Variants in OTUD7A observed in about 807,000 individuals in gnomAD.
The protein encoded by OTUD7A is OTU deubiquitinase 7A.
In OTUD7A, 12 loss-of-function variants were observed where a neutral mutation model predicts 65.7. The observed-to-expected ratio is 0.18, with a 90% confidence interval of 0.12 to 0.30. The LOEUF is 0.30. OTUD7A is among the 10% of genes least tolerant of loss of function. The pLI is 1.00. For missense variants in OTUD7A, 1,148 were observed against 1,304.8 expected, an observed-to-expected ratio of 0.88 and a Z score of 1.85; for synonymous variants, 641 against 586.3, an observed-to-expected ratio of 1.09 and a Z score of -1.35.
At chr15:31,646,074 A>C (rs1891653043) in intron 3 of OTUD7A, among the ~76,000 whole-genome samples, 3 of 152,190 alleles carry the variant, frequency 2.0e-5, no homozygotes. Flanking sequence ...TTTATCTTAA[A>C]AAGTGTTTAA....
intron 3 of OTUD7A, among the ~76,000 whole-genome samples, chr15:31,587,855 C>T (rs773898615): frequency 3.9e-4 from 60 of 151,946 alleles, no homozygotes; most frequent in Non-Finnish European, 6.9e-4. Context: ...AGGGCCCTAA[C>T]GCTCACTGTT....
At chr15:31,652,277 T>C (rs1343883210) in intron 3 of OTUD7A, among the ~76,000 whole-genome samples, 6 of 152,328 alleles carry the variant, frequency 3.9e-5, no homozygotes, top group Non-Finnish European at 5.9e-5. Flanking sequence ...GTTGAAACAA[T>C]TGGATATCCG....
chr15:31,718,524 T>C (rs1199334540), intron 1 of OTUD7A, among the ~76,000 whole-genome samples: 1 of 151,384 alleles, frequency 6.6e-6, no homozygotes, highest in Non-Finnish European at 1.5e-5. Context: ...CTATAATTAG[T>C]AGTTTGAGGC....
intron 1 of OTUD7A, among the ~76,000 whole-genome samples, chr15:31,778,124 G>A (rs1251577388): frequency 6.6e-6 from 1 of 152,150 alleles, no homozygotes; most frequent in Non-Finnish European, 1.5e-5. Context: ...AATGTGCAGA[G>A]AGTAATTCTA....
rs1595546965 is a variant in OTUD7A, at chr15:31,483,075, C to T, written c.*219G>A. 1 of 254,050 alleles carries T rather than the reference C, an allele frequency of 3.9e-6. No individual in the cohort carries two copies. Among genetic ancestry groups the T allele is most frequent in the Admixed American group, 6.2e-5 (1 of 16,240 alleles). 15.7% of individuals were successfully genotyped at this position (254,050 alleles called of 1,614,324 possible). On this transcript the variant is annotated 3_prime_UTR_variant, in exon 13 of 13. Transcript: ENST00000307050. ...CGAGGCAGATGCTAGGCTAGCACACCCACTTCCAACAGTATGACTTGTTTC... is the reference window on the plus strand; with the variant it reads ...CGAGGCAGATGCTAGGCTAGCACACTCACTTCCAACAGTATGACTTGTTTC...
intron 1 of OTUD7A, among the ~76,000 whole-genome samples, chr15:31,721,468 G>A (rs1288355231): frequency 2.9e-4 from 44 of 151,080 alleles, no homozygotes; most frequent in African/African-American, 6.6e-4. Flanking sequence ...ATTAATTTCC[G>A]CCAGAGATGC....
At position 31,713,346 on chromosome 15, in the gene OTUD7A, C is replaced by T. The variant is rs2654049; in HGVS notation, c.-99-56269G>A. 5.3e-3 allele frequency among the ~76,000 whole-genome samples: 797 copies of T among 151,744 alleles called. 2 individuals are homozygous for T. Among genetic ancestry groups the T allele is most frequent in the Non-Finnish European group, 6.7e-3 (451 of 67,740 alleles). On this transcript the variant is annotated intron_variant, in intron 1 of 12. Transcript: ENST00000307050. ...TTGAAATGGTAAAGTACGCTGGGCA[C>T]GGTGGCTCACACCTGTGATCCCAGC...
intron 1 of OTUD7A, among the ~76,000 whole-genome samples, chr15:31,722,970 G>A (rs1286543524): frequency 2.0e-5 from 3 of 152,226 alleles, no homozygotes; most frequent in Non-Finnish European, 4.4e-5. Flanking sequence ...AAGAGAGCAG[G>A]GAAGATGTTG....
intron 1 of OTUD7A, among the ~76,000 whole-genome samples, chr15:31,729,158 G>GA (rs1758072931): frequency 6.6e-6 from 1 of 152,158 alleles, no homozygotes; most frequent in Non-Finnish European, 1.5e-5. Flanking sequence ...TAGGTATGCA[G>GA]AAAAAAAGTT....
At chr15:31,502,093 G>T (rs56261134) in intron 9 of OTUD7A, among the ~76,000 whole-genome samples, 2,183 of 152,358 alleles carry the variant, frequency 0.014, 62 homozygotes, top group African/African-American at 0.05. Context: ...AGTCACCCGA[G>T]ATTGGTCAGA....
rs1473697821 is a variant in OTUD7A, at chr15:31,510,483, G to GTATGTATATCTATATGTAACATACATATA, written c.894-6694_894-6666dup. Among the ~76,000 whole-genome samples, 235 of 136,006 alleles carry GTATGTATATCTATATGTAACATACATATA rather than the reference G, an allele frequency of 1.7e-3. 17 individuals carry two copies. Among genetic ancestry groups the GTATGTATATCTATATGTAACATACATATA allele is most frequent in the South Asian group, 6.7e-3 (29 of 4,358 alleles). 89.2% of individuals were successfully genotyped at this position (136,006 alleles called of 152,430 possible). ...AAAGGGGAGTTTTGAATATATATAT[G>GTATGTATATCTATATGTAACATACATATA]TATGTATATCTATATGTAACATACA... On this transcript the variant is annotated intron_variant, in intron 8 of 12. Transcript: ENST00000307050.
chr15:31,583,564 T>G (rs541877456), intron 3 of OTUD7A, among the ~76,000 whole-genome samples: 278 of 152,046 alleles, frequency 1.8e-3, no homozygotes, highest in Admixed American at 4.4e-3. Flanking sequence ...TGAATAAGTC[T>G]CATGAGATTT....
intron 1 of OTUD7A, among the ~76,000 whole-genome samples, chr15:31,674,106 G>T (rs1892543909): frequency 6.6e-6 from 1 of 152,142 alleles, no homozygotes; most frequent in African/African-American, 2.4e-5. Flanking sequence ...TGGAATATAA[G>T]AAAGGAACAG....
chr15:31,590,241 G>C (rs1295613807), intron 3 of OTUD7A, among the ~76,000 whole-genome samples: 2 of 152,204 alleles, frequency 1.3e-5, no homozygotes, highest in Non-Finnish European at 2.9e-5. Context: ...ACGATCAATA[G>C]GTTATAGCCT....
At chr15:31,792,712 T>A (rs941177207) in intron 1 of OTUD7A, among the ~76,000 whole-genome samples, 2 of 152,202 alleles carry the variant, frequency 1.3e-5, no homozygotes, top group African/African-American at 4.8e-5. Context: ...TTCTTCTTTA[T>A]GTGTATGTGT....
At chr15:31,566,423 A>C (rs1246089088) in intron 4 of OTUD7A, among the ~76,000 whole-genome samples, 3 of 152,204 alleles carry the variant, frequency 2.0e-5, no homozygotes, top group African/African-American at 7.2e-5. Context: ...CAAATTGATA[A>C]GAAAAGACAA....
At chr15:31,588,078 A>T (rs1889602983) in intron 3 of OTUD7A, among the ~76,000 whole-genome samples, 1 of 152,124 alleles carries the variant, frequency 6.6e-6, no homozygotes, top group Non-Finnish European at 1.5e-5. Flanking sequence ...GCCACTAAAG[A>T]TGCATACAGC....
intron 8 of OTUD7A, among the ~76,000 whole-genome samples, chr15:31,508,776 G>A (rs2041623513): frequency 6.6e-6 from 1 of 152,390 alleles, no homozygotes; most frequent in East Asian, 1.9e-4. Context: ...TTTTTGTTGC[G>A]TATTCTGGGG....
chr15:31,497,212 T>C (rs1267108324), intron 10 of OTUD7A, among the ~76,000 whole-genome samples: 4 of 152,050 alleles, frequency 2.6e-5, no homozygotes, highest in Non-Finnish European at 5.9e-5. Flanking sequence ...GCTGTTTGTA[T>C]ATATGAGGGA....
Sources: allele counts gnomAD v4.1 joint callset (sites outside exome capture counted in the v4.1 genomes callset), GRCh38; gene constraint gnomAD v4.1.1; transcripts MANE v1.5; gene names NCBI Gene and HGNC (gene_info 2026-07-23, HGNC 2026-07-21).